ZNF804A: variants seen among roughly 807,000 people sequenced by gnomAD.
ZNF804A encodes zinc finger protein 804A.
A neutral mutation model predicts 16.5 loss-of-function variants in ZNF804A; 2 were observed. The observed-to-expected ratio is 0.12, with a 90% CI of 0.05 to 0.38. The LOEUF is 0.38. Ranked by LOEUF, ZNF804A falls within the 10% of genes least tolerant of loss-of-function variation. The pLI is 0.99. For synonymous variants in ZNF804A, 534 were observed against 489.6 expected (o/e 1.09, Z -1.20); for missense variants, 1,473 against 1,390.7 (o/e 1.06, Z -0.94).
intron 1 of ZNF804A, among the ~76,000 whole-genome samples, chr2:184,824,884 G>T (rs1558973152): frequency 6.6e-6 from 1 of 151,964 alleles, no homozygotes; most frequent in African/African-American, 2.4e-5. Context: ...ACAGCATAAC[G>T]ACCAAGGTTC....
At chr2:184,646,109 T>C (rs1351519906) in intron 1 of ZNF804A, among the ~76,000 whole-genome samples, 2 of 152,174 alleles carry the variant, frequency 1.3e-5, no homozygotes, top group Non-Finnish European at 1.5e-5. Context: ...ACCACATACA[T>C]ACAAAGTCAG....
chr2:184,893,868 G>T (rs747521968), intron 2 of ZNF804A, among the ~76,000 whole-genome samples: 1 of 152,026 alleles, frequency 6.6e-6, no homozygotes, highest in Non-Finnish European at 1.5e-5. Context: ...CTGGAGCAGT[G>T]TCTAATTGAT....
At chr2:184,665,538 A>T (rs1200024480) in intron 1 of ZNF804A, among the ~76,000 whole-genome samples, 1 of 152,188 alleles carries the variant, frequency 6.6e-6, no homozygotes, top group African/African-American at 2.4e-5. Context: ...CCATACATTT[A>T]TTATCTCACA....
chr2:184,765,762 T>G (rs1574201891), intron 1 of ZNF804A, among the ~76,000 whole-genome samples: 1 of 152,132 alleles, frequency 6.6e-6, no homozygotes, highest in Non-Finnish European at 1.5e-5. Flanking sequence ...CGGCTCGTCC[T>G]GCTACAGTAA....
intron 1 of ZNF804A, 42 bp downstream of exon 1, chr2:184,599,112 G>A (rs1450513367): frequency 1.4e-6 from 2 of 1,431,442 alleles, no homozygotes; most frequent in Non-Finnish European, 2.0e-6. Context: ...TCATATTTAA[G>A]AGGGCATTTG....
intron 1 of ZNF804A, among the ~76,000 whole-genome samples, chr2:184,650,622 C>T (rs1330015360): frequency 6.6e-6 from 1 of 152,142 alleles, no homozygotes; most frequent in African/African-American, 2.4e-5. Flanking sequence ...TTTCAGAATA[C>T]AAAATCAGTA....
At chr2:184,807,025 GTGTTATATTGTCTC>G (rs1387128461) in intron 1 of ZNF804A, among the ~76,000 whole-genome samples, 3 of 151,634 alleles carry the variant, frequency 2.0e-5, no homozygotes, top group African/African-American at 7.3e-5. Flanking sequence ...AGTATGACTA[GTGTTATATTGTCTC>G]TGCTCTTTTC....
intron 1 of ZNF804A, among the ~76,000 whole-genome samples, chr2:184,837,067 C>T (rs1044137000): frequency 2.6e-5 from 4 of 152,200 alleles, no homozygotes; most frequent in African/African-American, 7.2e-5. Context: ...AGTAGTCATA[C>T]TCTTCAGAAG....
At chr2:184,894,627 T>A (rs1685037400) in intron 2 of ZNF804A, among the ~76,000 whole-genome samples, 1 of 152,132 alleles carries the variant, frequency 6.6e-6, no homozygotes, top group South Asian at 2.1e-4. Context: ...AAAATTATTA[T>A]ATATTACACG....
chr2:184,693,714 A>G (rs1238699816), intron 1 of ZNF804A, among the ~76,000 whole-genome samples: 1 of 152,086 alleles, frequency 6.6e-6, no homozygotes, highest in African/African-American at 2.4e-5. Flanking sequence ...TTTATTTTGT[A>G]AATGTTCTTG....
chr2:184,808,231 A>G (rs1336008572), intron 1 of ZNF804A, among the ~76,000 whole-genome samples: 1 of 151,608 alleles, frequency 6.6e-6, no homozygotes, highest in South Asian at 2.1e-4. Flanking sequence ...TTAATTTTCT[A>G]TCTTTCTCAT....
intron 2 of ZNF804A, among the ~76,000 whole-genome samples, chr2:184,906,905 G>T (rs912479034): frequency 3.3e-5 from 5 of 152,168 alleles, no homozygotes; most frequent in Admixed American, 6.5e-5. Context: ...AAATTCCCCA[G>T]TGCTGGCTTT....
chr2:184,891,891 T>A (rs1376413301), intron 2 of ZNF804A, among the ~76,000 whole-genome samples: 2 of 152,198 alleles, frequency 1.3e-5, no homozygotes, highest in South Asian at 4.1e-4. Flanking sequence ...ATTAGTCACA[T>A]TGCAGTGTTT....
chr2:184,709,858 A>G (rs967918945), intron 1 of ZNF804A, among the ~76,000 whole-genome samples: 2 of 148,326 alleles, frequency 1.3e-5, no homozygotes, highest in African/African-American at 4.9e-5. Context: ...TATATATTAT[A>G]AATATATAAT....
At chr2:184,679,106 A>G (rs1450936457) in intron 1 of ZNF804A, among the ~76,000 whole-genome samples, 2 of 152,234 alleles carry the variant, frequency 1.3e-5, no homozygotes, top group Non-Finnish European at 2.9e-5. Context: ...GTTAATTGGC[A>G]ATTAATGAAT....
intron 1 of ZNF804A, among the ~76,000 whole-genome samples, chr2:184,604,058 G>A (rs555456406): frequency 2.2e-5 from 3 of 138,038 alleles, no homozygotes; most frequent in Non-Finnish European, 4.6e-5. Context: ...ATTGAGTTAT[G>A]TTAGATAGCT....
intron 1 of ZNF804A, among the ~76,000 whole-genome samples, chr2:184,841,348 A>G (rs1399213472): frequency 6.6e-6 from 1 of 152,176 alleles, no homozygotes; most frequent in South Asian, 2.1e-4. Flanking sequence ...TTTCAAAACC[A>G]TCTTTTAAAA....
intron 2 of ZNF804A, among the ~76,000 whole-genome samples, chr2:184,891,650 C>T (rs1402027327): frequency 6.6e-6 from 1 of 152,154 alleles, no homozygotes; most frequent in African/African-American, 2.4e-5. Context: ...TTTCAAAGCA[C>T]AGTCCTATGT....
intron 1 of ZNF804A, among the ~76,000 whole-genome samples, chr2:184,706,163 C>G (rs950493536): frequency 3.3e-5 from 5 of 152,152 alleles, no homozygotes; most frequent in Non-Finnish European, 5.9e-5. Context: ...TTCAGCCAAA[C>G]CAGTGGATAC....
Sources: allele counts gnomAD v4.1 joint callset (sites outside exome capture counted in the v4.1 genomes callset), GRCh38; gene constraint gnomAD v4.1.1; transcripts MANE v1.5; gene names NCBI Gene and HGNC (gene_info 2026-07-23, HGNC 2026-07-21).